PDCD5: variants seen among roughly 807,000 people sequenced by gnomAD.
The protein encoded by PDCD5 is programmed cell death 5.
In PDCD5, 23 loss-of-function variants were observed where a neutral mutation model predicts 21.9. The ratio of observed to expected loss-of-function variants is 1.05; its 90% CI spans 0.76 to 1.49. PDCD5 has a LOEUF of 1.49. Ranked by LOEUF, PDCD5 falls within the 40% of genes most tolerant of loss-of-function variation. The probability of loss-of-function intolerance (pLI) is 0.00; values close to 1 mark genes in which losing one functional copy is unlikely to be tolerated. For missense variants in PDCD5, 152 were observed against 147.7 expected (o/e 1.03, Z -0.15); for synonymous variants, 45 against 49.4 (o/e 0.91, Z 0.37).
Position 32,581,231 on chromosome 19 carries a change from A to T in PDCD5, c.-31A>T. 1.4e-6 allele frequency: 2 copies of T among 1,465,042 alleles called. No homozygotes were observed. Among genetic ancestry groups the T allele is most frequent in the African/African-American group, 1.5e-5 (1 of 68,780 alleles). 90.8% of individuals were successfully genotyped at this position (1,465,042 alleles called of 1,614,324 possible). ...CTCGCGCCGAGGGGCTGCGAGAGTGACCGCGGCTGCTCCAGCGCTGACGCC... is the reference window on the plus strand; with the variant it reads ...CTCGCGCCGAGGGGCTGCGAGAGTGTCCGCGGCTGCTCCAGCGCTGACGCC... On this transcript the variant is annotated 5_prime_UTR_variant, in exon 1 of 6. Transcript: ENST00000590247.
chr19:32,587,328 A>G lies in PDCD5; in HGVS notation c.*28A>G. The G allele has an allele frequency of 6.6e-7, 1 of 1,512,312 alleles. No homozygotes were observed. The highest frequency in any genetic ancestry group is 9.2e-7 in the Non-Finnish European group (1 of 1,090,050). 93.7% of individuals were successfully genotyped at this position (1,512,312 alleles called of 1,614,324 possible). A position where few individuals can be genotyped will look rare whatever the true frequency, so the allele number is the denominator to read the frequency against. On this transcript the variant is annotated 3_prime_UTR_variant, in exon 6 of 6. Coordinates refer to ENST00000590247, the MANE Select transcript of PDCD5 (RefSeq NM_004708.4). ...TACAAGTGCTCACAGACTAGAACTT[A>G]ACGGAACAAGTCTAGGACAGAAGTT...
intron 5 of PDCD5, 21 bp from the exon 6 acceptor site, chr19:32,587,232 C>T (rs771381576): frequency 2.0e-6 from 3 of 1,536,944 alleles, no homozygotes; most frequent in Admixed American, 3.4e-5. Context: ...TGTTCTGACA[C>T]TCATTTAATT....
intron 1 of PDCD5, 147 bp from the exon 2 acceptor site, chr19:32,582,048 T>C (rs1568387157): frequency 2.9e-5 from 20 of 678,626 alleles, no homozygotes; most frequent in South Asian, 1.5e-4. Flanking sequence ...AACTAGTTCA[T>C]TGATTTCTGT....
intron 4 of PDCD5, chr19:32,586,277 TTC>T (rs1971475630): frequency 3.5e-6 from 5 of 1,408,834 alleles, no homozygotes; most frequent in Non-Finnish European, 4.6e-6. Context: ...CTTGCTTATG[TTC>T]TCTGTGTTGC....
intron 3 of PDCD5, among the ~76,000 whole-genome samples, chr19:32,585,356 C>A (rs1456227872): frequency 6.6e-6 from 1 of 152,024 alleles, no homozygotes; most frequent in Non-Finnish European, 1.5e-5. Context: ...TATGTATTGT[C>A]AGTTTTAGTG....
At chr19:32,583,355 C>T (rs1056366634) in intron 2 of PDCD5, among the ~76,000 whole-genome samples, 2 of 152,086 alleles carry the variant, frequency 1.3e-5, no homozygotes, top group Non-Finnish European at 2.9e-5. Context: ...GAACTCACTG[C>T]AGCCTCAAAC....
At chr19:32,585,758 A>G in intron 3 of PDCD5, 58 bp from the exon 4 acceptor site, 3 of 985,642 alleles carry the variant, frequency 3.0e-6, no homozygotes, top group Non-Finnish European at 4.9e-6. Flanking sequence ...GTTTTAAGGT[A>G]TAACATAAGT....
intron 4 of PDCD5, chr19:32,586,128 G>T: frequency 6.6e-7 from 1 of 1,507,320 alleles, no homozygotes; most frequent in Non-Finnish European, 8.8e-7. Flanking sequence ...CCTTGTTGGT[G>T]TCTGTGACCC....
chr19:32,582,598 A>G (rs1397467038), intron 2 of PDCD5, among the ~76,000 whole-genome samples: 2 of 152,158 alleles, frequency 1.3e-5, no homozygotes, highest in African/African-American at 4.8e-5. Context: ...TTTTATCCCA[A>G]CACAGCGCAC....
chr19:32,586,886 T>A lies in PDCD5; in HGVS notation c.287T>A (p.Leu96His), dbSNP rs1364949525. Residue 96 changes from leucine to histidine, a missense_variant, in exon 5 of 6, where the codon CTT (leucine) becomes CAT (histidine). Leu to His is a moderately conservative substitution (Grantham distance 99, BLOSUM62 -3). Coordinates refer to ENST00000590247, the MANE Select transcript of PDCD5 (RefSeq NM_004708.4). ...KVSEQGLIEI[L>H]KKVSQQTEKT... Reference sequence around the variant, plus strand: ...TCAGAACAAGGTTTAATAGAAATCCTTAAAAAAGTAAGCCAACAAACAGAA... The same window carrying A: ...TCAGAACAAGGTTTAATAGAAATCCATAAAAAAGTAAGCCAACAAACAGAA... 1 of 1,612,700 alleles carries A rather than the reference T, an allele frequency of 6.2e-7. No homozygotes were observed. Among genetic ancestry groups the A allele is most frequent in the Non-Finnish European group, 8.5e-7 (1 of 1,179,540 alleles).
intron 2 of PDCD5, 93 bp downstream of exon 2, chr19:32,582,325 T>A: frequency 8.6e-7 from 1 of 1,167,142 alleles, no homozygotes; most frequent in Non-Finnish European, 1.3e-6. Context: ...TGACTCAGAT[T>A]TTTTTGTTTT....
At position 32,587,411 on chromosome 19, in the gene PDCD5, T is replaced by A. The variant is rs1971488453; in HGVS notation, c.*111T>A. On this transcript the variant is annotated 3_prime_UTR_variant, in exon 6 of 6. Transcript: ENST00000590247. ...TATGCCTTTTAAAAAAATAAACTTG[T>A]TATGCAAAATAAAACATTTGGGTAA... 1.5e-6 allele frequency: 1 copy of A among 667,182 alleles called. No homozygotes were observed. Among genetic ancestry groups the A allele is most frequent in the Non-Finnish European group, 2.5e-6 (1 of 407,300 alleles). 41.3% of individuals were successfully genotyped at this position (667,182 alleles called of 1,614,324 possible).
chr19:32,581,538 G>C (rs1971425924), intron 1 of PDCD5: 2 of 369,534 alleles, frequency 5.4e-6, no homozygotes, highest in South Asian at 2.5e-4. Flanking sequence ...GGGCCGCCAC[G>C]TGCGGGACCT....
chr19:32,586,373 A>G (rs1022505584), intron 4 of PDCD5: 15 of 1,222,490 alleles, frequency 1.2e-5, no homozygotes, highest in East Asian at 4.4e-5. Flanking sequence ...GCCGTCTGCT[A>G]CCACCACAGC....
At chr19:32,582,264 G>A (rs542444642) in intron 2 of PDCD5, 32 bp downstream of exon 2, 19 of 1,583,680 alleles carry the variant, frequency 1.2e-5, no homozygotes, top group East Asian at 2.2e-5. Flanking sequence ...TTTTTGAAGG[G>A]TGGTTTCACC....
In PDCD5 at chr19:32,582,135, TC is replaced by T. The variant is rs1481454723; in HGVS notation, c.67-58del. 4 of 1,197,958 alleles carry T rather than the reference TC, an allele frequency of 3.3e-6. No homozygotes were observed. The Admixed American group carries it at 7.4e-5, about 22-fold the overall frequency. 74.2% of individuals were successfully genotyped at this position (1,197,958 alleles called of 1,614,324 possible). On this transcript the variant is annotated intron_variant, in intron 1 of 5. Coordinates refer to ENST00000590247, the MANE Select transcript of PDCD5 (RefSeq NM_004708.4). Reference sequence around the variant, plus strand: ...TATGTATAGGAAACAACAGAACCGTTCCTTTTTCCCGCCGCCTCCCGTGAAA... The same window carrying T: ...TATGTATAGGAAACAACAGAACCGTTCTTTTTCCCGCCGCCTCCCGTGAAA...
At chr19:32,582,051 A>G in intron 1 of PDCD5, 144 bp from the exon 2 acceptor site, 4 of 680,476 alleles carry the variant, frequency 5.9e-6, no homozygotes. Context: ...TAGTTCATTG[A>G]TTTCTGTGAG....
chr19:32,585,736 G>A, intron 3 of PDCD5, 80 bp from the exon 4 acceptor site: 1 of 808,088 alleles, frequency 1.2e-6, no homozygotes, highest in Non-Finnish European at 2.2e-6. Context: ...GCTTTGGAAA[G>A]GTCAATGCAT....
intron 2 of PDCD5, among the ~76,000 whole-genome samples, chr19:32,582,699 T>C (rs769735685): frequency 6.6e-5 from 10 of 152,224 alleles, no homozygotes; most frequent in Non-Finnish European, 1.2e-4. Context: ...TTTTTAAAAA[T>C]TGTGGTTAAA....
Sources: allele counts gnomAD v4.1 joint callset (sites outside exome capture counted in the v4.1 genomes callset), GRCh38; gene constraint gnomAD v4.1.1; transcripts MANE v1.5; gene names NCBI Gene and HGNC (gene_info 2026-07-23, HGNC 2026-07-21).